Variants in ITPR2 observed in about 807,000 individuals in gnomAD.
The protein encoded by ITPR2 is inositol 1,4,5-trisphosphate-gated calcium channel ITPR2.
A neutral mutation model predicts 317.1 loss-of-function variants in ITPR2; 207 were observed. The observed-to-expected ratio is 0.65, with a 90% CI of 0.58 to 0.73. The LOEUF (loss-of-function observed/expected upper bound fraction) is 0.73, where lower values mean the gene tolerates loss of function less well. ITPR2 is among the 30% of genes least tolerant of loss of function. ITPR2 has a pLI of 0.00. For missense variants in ITPR2, 2,613 were observed against 3,284.0 expected (o/e 0.80, Z 4.99); for synonymous variants, 1,156 against 1,149.1 (o/e 1.01, Z -0.12).
chr12:26,348,910 A>C (rs903608254), intron 55 of ITPR2, among the ~76,000 whole-genome samples: 1 of 152,284 alleles, frequency 6.6e-6, no homozygotes, highest in South Asian at 2.1e-4. Flanking sequence ...GCTACTAAAA[A>C]TTTAAAAATT....
At chr12:26,824,420 C>T (rs1178141695) in intron 1 of ITPR2, among the ~76,000 whole-genome samples, 1 of 152,108 alleles carries the variant, frequency 6.6e-6, no homozygotes, top group African/African-American at 2.4e-5. Flanking sequence ...ACTGGTCAGA[C>T]AAACATTTTT....
At chr12:26,645,726 T>TA (rs1947098571) in intron 21 of ITPR2, among the ~76,000 whole-genome samples, 1 of 152,216 alleles carries the variant, frequency 6.6e-6, no homozygotes, top group African/African-American at 2.4e-5. Context: ...CTGTGAACTC[T>TA]ACTGCAAACT....
chr12:26,570,514 C>A (rs1214267939), intron 34 of ITPR2, among the ~76,000 whole-genome samples: 1 of 152,108 alleles, frequency 6.6e-6, no homozygotes, highest in Non-Finnish European at 1.5e-5. Flanking sequence ...AATTTCTCTT[C>A]TGAAAGAGTT....
At chr12:26,357,574 A>T in intron 55 of ITPR2, among the ~76,000 whole-genome samples, 1 of 152,246 alleles carries the variant, frequency 6.6e-6, no homozygotes, top group Non-Finnish European at 1.5e-5. Flanking sequence ...TTGACCAAAG[A>T]GGGTTGCGGG....
chr12:26,359,801 C>T (rs115467979), intron 55 of ITPR2, among the ~76,000 whole-genome samples: 1,932 of 152,104 alleles, frequency 0.013, 35 homozygotes, highest in African/African-American at 0.044. Flanking sequence ...AAGCACATGG[C>T]GTCACCCGGA....
At chr12:26,640,544 C>G (rs536491631) in intron 21 of ITPR2, among the ~76,000 whole-genome samples, 1 of 152,006 alleles carries the variant, frequency 6.6e-6, no homozygotes, top group South Asian at 2.1e-4. Flanking sequence ...GTACAAGTCC[C>G]CCATAGAACC....
At chr12:26,648,586 C>T (rs1591995844) in intron 21 of ITPR2, among the ~76,000 whole-genome samples, 1 of 138,750 alleles carries the variant, frequency 7.2e-6, no homozygotes, top group Non-Finnish European at 1.5e-5. Context: ...GAGAAAAATA[C>T]TTACAGTATG....
intron 2 of ITPR2, among the ~76,000 whole-genome samples, chr12:26,788,136 G>T (rs1166106145): frequency 1.3e-5 from 2 of 151,988 alleles, no homozygotes; most frequent in Non-Finnish European, 2.9e-5. Context: ...TGGTCAGACT[G>T]GTCTCGAACT....
chr12:26,548,220 C>T (rs565533325), intron 37 of ITPR2, among the ~76,000 whole-genome samples: 3 of 152,268 alleles, frequency 2.0e-5, no homozygotes, highest in South Asian at 4.1e-4. Flanking sequence ...CAAAGATAGC[C>T]GGTGGCATTG....
intron 1 of ITPR2, among the ~76,000 whole-genome samples, chr12:26,825,792 G>A (rs371313164): frequency 1.3e-5 from 2 of 152,174 alleles, no homozygotes; most frequent in East Asian, 1.9e-4. Flanking sequence ...AACTCTCTTT[G>A]TACTTAATTT....
At chr12:26,750,831 AAT>A (rs1949399913) in intron 2 of ITPR2, among the ~76,000 whole-genome samples, 1 of 152,226 alleles carries the variant, frequency 6.6e-6, no homozygotes, top group African/African-American at 2.4e-5. Flanking sequence ...AAAGGGAAAA[AAT>A]AGCTAATGTT....
intron 37 of ITPR2, among the ~76,000 whole-genome samples, chr12:26,510,928 G>C (rs1397943716): frequency 6.6e-6 from 1 of 152,190 alleles, no homozygotes; most frequent in African/African-American, 2.4e-5. Context: ...CACTAGACGT[G>C]TTGGGGGCAG....
At chr12:26,352,884 C>T (rs1938526593) in intron 55 of ITPR2, among the ~76,000 whole-genome samples, 1 of 152,192 alleles carries the variant, frequency 6.6e-6, no homozygotes, top group African/African-American at 2.4e-5. Flanking sequence ...CCTCTGCATC[C>T]AGTGACACTG....
intron 55 of ITPR2, among the ~76,000 whole-genome samples, chr12:26,359,317 A>G (rs149703502): frequency 7.8e-4 from 119 of 152,292 alleles, no homozygotes; most frequent in African/African-American, 2.8e-3. Flanking sequence ...TGTGCACCAT[A>G]TTAATGCTAA....
intron 2 of ITPR2, among the ~76,000 whole-genome samples, chr12:26,758,930 T>C (rs1055937580): frequency 6.6e-6 from 1 of 152,222 alleles, no homozygotes; most frequent in Non-Finnish European, 1.5e-5. Context: ...ATGGATCACA[T>C]CCTCCTGCAT....
chr12:26,519,497 T>A (rs1943611490), intron 37 of ITPR2, among the ~76,000 whole-genome samples: 1 of 152,228 alleles, frequency 6.6e-6, no homozygotes. Flanking sequence ...AAAGTAAGTA[T>A]AATAAATAGA....
chr12:26,495,670 T>C (rs1942916850), intron 37 of ITPR2: 1 of 152,904 alleles, frequency 6.5e-6, no homozygotes, highest in African/African-American at 2.4e-5. Flanking sequence ...TTCAATAGAA[T>C]GTACTAGAAA....
chr12:26,712,224 A>C (rs1461206864), intron 8 of ITPR2, among the ~76,000 whole-genome samples: 2 of 152,180 alleles, frequency 1.3e-5, no homozygotes. Context: ...GAAATATCAT[A>C]AGGCATATCA....
chr12:26,640,058 C>T lies in ITPR2; in HGVS notation c.2741-7999G>A, dbSNP rs547443195. 1.9e-4 allele frequency among the ~76,000 whole-genome samples: 29 copies of T among 152,214 alleles called. No homozygotes were observed. In the South Asian group the frequency reaches 5.0e-3, roughly 26 times the overall value. ...GTTTGTGTTGGGTTCTAACAATAAG[C>T]CTTATCATAGGTCACCAGAGATTGT... On this transcript the variant is annotated intron_variant, in intron 21 of 56. Transcript: ENST00000381340.
Sources: gnomAD v4.1 joint callset for allele counts (sites outside exome capture counted in the v4.1 genomes callset) on GRCh38, gnomAD v4.1.1 for gene constraint, MANE v1.5 for transcripts, NCBI Gene and HGNC (gene_info 2026-07-23, HGNC 2026-07-21) for gene names.